The following SRBD1 variants were observed in gnomAD, a reference collection of about 807,000 sequenced individuals.
SRBD1 encodes S1 RNA binding domain 1, also known as S1 RNA-binding domain-containing protein 1.
In SRBD1, 88 loss-of-function variants were observed where a neutral mutation model predicts 115.3. The ratio of observed to expected loss-of-function variants is 0.76; its 90% CI spans 0.64 to 0.91. The LOEUF is 0.91. Ranked by LOEUF, SRBD1 falls within the 40% of genes least tolerant of loss-of-function variation. The probability of loss-of-function intolerance (pLI) is 0.00; values close to 1 mark genes in which losing one functional copy is unlikely to be tolerated. For missense variants in SRBD1, 1,385 were observed against 1,177.4 expected (o/e 1.18, Z -2.58); for synonymous variants, 509 against 407.7 (o/e 1.25, Z -2.99).
At chr2:45,486,681 C>T (rs7560141) in intron 15 of SRBD1, among the ~76,000 whole-genome samples, 1,738 of 151,720 alleles carry the variant, frequency 0.011, 31 homozygotes, top group African/African-American at 0.033. Context: ...TGCAGTGAGC[C>T]GAGTTCGCAC....
chr2:45,605,920 GA>G (rs1005902258), intron 1 of SRBD1, among the ~76,000 whole-genome samples: 3 of 142,116 alleles, frequency 2.1e-5, no homozygotes, highest in Non-Finnish European at 3.1e-5. Context: ...AAAAAAAAAA[GA>G]AAAAAAAAGA....
intron 14 of SRBD1, among the ~76,000 whole-genome samples, chr2:45,508,421 T>C (rs1240329914): frequency 6.6e-6 from 1 of 152,220 alleles, no homozygotes; most frequent in Non-Finnish European, 1.5e-5. Context: ...CCTAAGTTTA[T>C]TTTAAGCATA....
At chr2:45,553,187 T>C (rs1672357682) in intron 11 of SRBD1, among the ~76,000 whole-genome samples, 1 of 152,208 alleles carries the variant, frequency 6.6e-6, no homozygotes, top group Admixed American at 6.5e-5. Flanking sequence ...CTTCTATTAG[T>C]CCGTTCACAT....
intron 14 of SRBD1, among the ~76,000 whole-genome samples, chr2:45,539,038 A>T (rs1024267149): frequency 6.6e-6 from 1 of 152,192 alleles, no homozygotes; most frequent in Non-Finnish European, 1.5e-5. Flanking sequence ...GTAAATTTAG[A>T]TGATTGAAAA....
intron 11 of SRBD1, 38 bp downstream of exon 11, chr2:45,553,585 T>C: frequency 7.3e-7 from 1 of 1,361,650 alleles, no homozygotes; most frequent in Non-Finnish European, 1.0e-6. Flanking sequence ...CATATAACAA[T>C]AATCAGTACA....
intron 19 of SRBD1, among the ~76,000 whole-genome samples, chr2:45,406,873 C>CT (rs879388559): frequency 3.5e-4 from 51 of 147,288 alleles, no homozygotes; most frequent in African/African-American, 6.2e-4. Flanking sequence ...ATTCCAGATA[C>CT]TTTTTTTTTT....
intron 16 of SRBD1, among the ~76,000 whole-genome samples, chr2:45,437,549 C>T (rs907593115): frequency 4.6e-5 from 7 of 152,066 alleles, no homozygotes; most frequent in African/African-American, 9.7e-5. Context: ...AGATCTTACA[C>T]CCTTAACAAA....
At chr2:45,531,368 CA>C (rs1671606093) in intron 14 of SRBD1, among the ~76,000 whole-genome samples, 1 of 151,702 alleles carries the variant, frequency 6.6e-6, no homozygotes, top group African/African-American at 2.4e-5. Context: ...TAAAAACGCA[CA>C]TTAAAAATAC....
chr2:45,561,553 TA>T (rs1361969910), intron 10 of SRBD1, among the ~76,000 whole-genome samples: 1 of 152,218 alleles, frequency 6.6e-6, no homozygotes, highest in Admixed American at 6.5e-5. Context: ...ATCCTAAAGT[TA>T]CACAGAACTA....
intron 16 of SRBD1, among the ~76,000 whole-genome samples, chr2:45,465,173 C>A (rs1322206103): frequency 1.3e-5 from 2 of 152,104 alleles, no homozygotes; most frequent in Non-Finnish European, 2.9e-5. Context: ...GCACAACCTC[C>A]TGTGTACTTT....
intron 8 of SRBD1, among the ~76,000 whole-genome samples, chr2:45,573,751 C>T (rs767163151): frequency 6.6e-6 from 1 of 152,134 alleles, no homozygotes; most frequent in Non-Finnish European, 1.5e-5. Context: ...CTTCCAATAA[C>T]AATTTATAAT....
chr2:45,522,246 C>A (rs1447067932), intron 14 of SRBD1, among the ~76,000 whole-genome samples: 1 of 152,032 alleles, frequency 6.6e-6, no homozygotes, highest in Non-Finnish European at 1.5e-5. Context: ...CAGTGGCATG[C>A]ACTGCAACCT....
At chr2:45,556,335 T>A (rs1672475139) in intron 10 of SRBD1, among the ~76,000 whole-genome samples, 1 of 150,530 alleles carries the variant, frequency 6.6e-6, no homozygotes. Flanking sequence ...ACAATAAATG[T>A]AAAAACAGAA....
intron 14 of SRBD1, among the ~76,000 whole-genome samples, chr2:45,538,958 G>A (rs1671848080): frequency 6.6e-6 from 1 of 152,030 alleles, no homozygotes; most frequent in African/African-American, 2.4e-5. Flanking sequence ...GCTATATCAT[G>A]TACATGTTTC....
At chr2:45,458,878 CT>C (rs1373108276) in intron 16 of SRBD1, among the ~76,000 whole-genome samples, 1 of 152,066 alleles carries the variant, frequency 6.6e-6, no homozygotes, top group Non-Finnish European at 1.5e-5. Flanking sequence ...TTTATGTAAA[CT>C]ATGACGTTTT....
intron 16 of SRBD1, among the ~76,000 whole-genome samples, chr2:45,435,206 C>T (rs917137545): frequency 1.3e-5 from 2 of 152,072 alleles, no homozygotes; most frequent in African/African-American, 2.4e-5. Flanking sequence ...CAAGTCTTTG[C>T]TATTGTGAAT....
intron 14 of SRBD1, among the ~76,000 whole-genome samples, chr2:45,512,835 T>C (rs1671009501): frequency 6.6e-6 from 1 of 152,120 alleles, no homozygotes. Flanking sequence ...TCTTTATGCC[T>C]GTATTATTCC....
At chr2:45,572,109 A>G (rs900370983) in intron 9 of SRBD1, among the ~76,000 whole-genome samples, 1 of 152,222 alleles carries the variant, frequency 6.6e-6, no homozygotes, top group Non-Finnish European at 1.5e-5. Flanking sequence ...AGATAAAGAC[A>G]GAGAATCCTG....
chr2:45,575,710 C>A (rs1416546060), intron 7 of SRBD1, among the ~76,000 whole-genome samples: 3 of 152,076 alleles, frequency 2.0e-5, no homozygotes, highest in Non-Finnish European at 2.9e-5. Flanking sequence ...AGGTCCACTT[C>A]TTTTTCTTTT....
Sources: gnomAD v4.1 joint callset for allele counts (sites outside exome capture counted in the v4.1 genomes callset) on GRCh38, gnomAD v4.1.1 for gene constraint, MANE v1.5 for transcripts, NCBI Gene and HGNC (gene_info 2026-07-23, HGNC 2026-07-21) for gene names.